The following GFPT1 variants were observed in gnomAD, a reference collection of about 807,000 sequenced individuals.
GFPT1 encodes the protein glutamine--fructose-6-phosphate transaminase 1.
A neutral mutation model predicts 92.0 loss-of-function variants in GFPT1; 40 were observed. That is an observed-to-expected ratio of 0.43 (90% CI 0.34 to 0.57). The LOEUF is 0.57. Among genes scored for constraint, GFPT1 ranks in the 20% least tolerant of loss-of-function variants. The pLI is 0.02. For synonymous variants in GFPT1, 269 were observed against 280.6 expected, an observed-to-expected ratio of 0.96 and a Z score of 0.41; for missense variants, 448 against 869.1, an observed-to-expected ratio of 0.52 and a Z score of 6.09.
intron 6 of GFPT1, among the ~76,000 whole-genome samples, 184 bp from the exon 7 acceptor site, chr2:69,356,741 A>ATTTTT (rs67434964): frequency 7.0e-6 from 1 of 143,388 alleles, no homozygotes; most frequent in Non-Finnish European, 1.5e-5. Context: ...CAAGACCCAC[A>ATTTTT]TTTTTTTTTT....
At chr2:69,363,752 T>TCCAAGAGAGCAGCATTGTA in intron 3 of GFPT1, 82 bp from the exon 4 acceptor site, 1 of 942,568 alleles carries the variant, frequency 1.1e-6, no homozygotes, top group Non-Finnish European at 1.7e-6. Context: ...ATACAATTAT[T>TCCAAGAGAGCAGCATTGTA]ACAATGCTGC....
intron 12 of GFPT1, among the ~76,000 whole-genome samples, chr2:69,345,410 G>A (rs1440766264): frequency 6.6e-6 from 1 of 152,180 alleles, no homozygotes; most frequent in Non-Finnish European, 1.5e-5. Context: ...AGGCCAGGCA[G>A]ATACACATAA....
At chr2:69,371,633 C>T (rs531589370) in intron 2 of GFPT1, among the ~76,000 whole-genome samples, 2 of 150,940 alleles carry the variant, frequency 1.3e-5, no homozygotes, top group South Asian at 4.2e-4. Context: ...GTCAGGAGAT[C>T]GAGACCATCC....
chr2:69,335,888 T>C (rs1374544328), intron 15 of GFPT1, among the ~76,000 whole-genome samples: 1 of 151,290 alleles, frequency 6.6e-6, no homozygotes. Flanking sequence ...CAGGCATGGG[T>C]AGTGGCCTGT....
chr2:69,342,301 A>G (rs767004626), intron 12 of GFPT1, 52 bp from the exon 13 acceptor site: 19 of 1,079,036 alleles, frequency 1.8e-5, no homozygotes, highest in Admixed American at 5.1e-5. Context: ...CATGTGAACT[A>G]GGCAATCGCA....
At chr2:69,362,729 G>A (rs1316794270) in intron 4 of GFPT1, among the ~76,000 whole-genome samples, 2 of 151,964 alleles carry the variant, frequency 1.3e-5, no homozygotes, top group African/African-American at 4.8e-5. Context: ...CCTGGAAGGT[G>A]GAGGTTGCAG....
At chr2:69,354,646 T>C (rs1362592908) in intron 7 of GFPT1, 78 bp from the exon 8 acceptor site, 2 of 821,988 alleles carry the variant, frequency 2.4e-6, no homozygotes, top group Non-Finnish European at 4.3e-6. Flanking sequence ...AATGGGCCAA[T>C]ACTCTTCAAA....
Position 69,354,317 on chromosome 2 carries a change from G to T in GFPT1, c.686-5C>A. On this transcript the variant is annotated splice_polypyrimidine_tract_variant and splice_region_variant and intron_variant, in intron 8 of 19. Coordinates refer to ENST00000357308, the MANE Select transcript of GFPT1 (RefSeq NM_001244710.2). ...TTGATCCAATCTGAGTCCTAGCTAA[G>T]GATACACAACAGAAAAAAATTCTAA... 1 of 1,588,234 alleles carries T rather than the reference G, an allele frequency of 6.3e-7. No homozygotes were observed. Among genetic ancestry groups the T allele is most frequent in the Non-Finnish European group, 8.5e-7 (1 of 1,172,482 alleles).
At chr2:69,339,420 A>AG (rs1484979477) in intron 13 of GFPT1, among the ~76,000 whole-genome samples, 8 of 152,226 alleles carry the variant, frequency 5.3e-5, no homozygotes, top group Non-Finnish European at 2.9e-5. Flanking sequence ...AGGGAGCAGT[A>AG]TGCCTCTGTG....
rs1332390059 is a variant in GFPT1 at position 69,338,859 on chromosome 2, G to C, written c.1204-294C>G. ...TCTGTCGCCAGGCTGGAGTGCAGTG[G>C]TGCCATCTCGGCTCACCGTAACCTC... On this transcript the variant is annotated intron_variant, in intron 13 of 19. Transcript: ENST00000357308. Among the ~76,000 whole-genome samples, 5 of 149,440 alleles carry C rather than the reference G, an allele frequency of 3.3e-5. No homozygotes were observed. In the East Asian group the frequency reaches 9.8e-4, roughly 29 times the overall value.
chr2:69,377,909 G>C (rs1377095478), intron 1 of GFPT1, among the ~76,000 whole-genome samples: 1 of 152,206 alleles, frequency 6.6e-6, no homozygotes, highest in Non-Finnish European at 1.5e-5. Flanking sequence ...TGTTCACAAG[G>C]GAGGCATTCA....
At chr2:69,354,018 T>C (rs1014774915) in intron 9 of GFPT1, among the ~76,000 whole-genome samples, 3 of 152,254 alleles carry the variant, frequency 2.0e-5, no homozygotes, top group Non-Finnish European at 4.4e-5. Flanking sequence ...ATTTACAATT[T>C]CAACTATTTT....
chr2:69,352,588 G>T (rs1671234057), intron 9 of GFPT1, among the ~76,000 whole-genome samples: 1 of 111,592 alleles, frequency 9.0e-6, no homozygotes, highest in Admixed American at 1.3e-4. Flanking sequence ...ACTACAGCCT[G>T]AGCAACAGAG....
chr2:69,328,256 A>G lies in GFPT1; in HGVS notation c.1893+15T>C, dbSNP rs1670579276. On this transcript the variant is annotated intron_variant, in intron 18 of 19. Coordinates refer to ENST00000357308, the MANE Select transcript of GFPT1 (RefSeq NM_001244710.2). ...TCTTTGATCCCCAAGGTGTTCTCAC[A>G]GTCCCCCGACTTACCTGCCGAGCAA... 1.2e-6 allele frequency: 2 copies of G among 1,606,952 alleles called. No homozygotes were observed. Among genetic ancestry groups the G allele is most frequent in the Non-Finnish European group, 1.7e-6 (2 of 1,173,620 alleles).
At chr2:69,344,797 C>T (rs758825092) in intron 12 of GFPT1, among the ~76,000 whole-genome samples, 4 of 151,850 alleles carry the variant, frequency 2.6e-5, no homozygotes, top group Non-Finnish European at 5.9e-5. Flanking sequence ...GCACCCACCA[C>T]CACACCCAGC....
At chr2:69,356,658 A>C (rs1407480644) in intron 6 of GFPT1, 101 bp from the exon 7 acceptor site, 8 of 826,874 alleles carry the variant, frequency 9.7e-6, no homozygotes. Flanking sequence ...TGTTCACACA[A>C]ATGCTCTTTT....
Position 69,323,366 on chromosome 2 carries a change from T to C in GFPT1, c.*2823A>G, listed in dbSNP as rs1246858852. The stretch of plus-strand genomic sequence containing the variant: ...TTATCCTATATTACACTGGTTTTAA[T>C]TGGGCATGCTCACTTTAGTGGTGTG... On this transcript the variant is annotated 3_prime_UTR_variant, in exon 20 of 20. Transcript: ENST00000357308. The C allele has an allele frequency of 2.0e-5, 3 of 152,224 alleles. No homozygotes were observed. The highest frequency in any genetic ancestry group is 7.2e-5 in the African/African-American group (3 of 41,456). The allele number at this position is 152,224 out of a possible 1,614,324, so 9.4% of individuals were successfully genotyped here. A position where few individuals can be genotyped will look rare whatever the true frequency, so the allele number is the denominator to read the frequency against.
At chr2:69,358,055 T>C (rs1671382979) in intron 6 of GFPT1, among the ~76,000 whole-genome samples, 1 of 152,216 alleles carries the variant, frequency 6.6e-6, no homozygotes, top group Non-Finnish European at 1.5e-5. Context: ...TATGGATGTG[T>C]GCATATATGC....
chr2:69,337,797 A>G (rs887707887), intron 15 of GFPT1, 101 bp downstream of exon 15: 8 of 951,854 alleles, frequency 8.4e-6, no homozygotes, highest in African/African-American at 4.8e-5. Flanking sequence ...TGTGAGTTCT[A>G]TAACTGCTAA....
Sources: gnomAD v4.1 joint callset for allele counts (sites outside exome capture counted in the v4.1 genomes callset) on GRCh38, gnomAD v4.1.1 for gene constraint, MANE v1.5 for transcripts, NCBI Gene and HGNC (gene_info 2026-07-23, HGNC 2026-07-21) for gene names.